SLC9A9: variants seen among roughly 807,000 people sequenced by gnomAD.
The protein encoded by SLC9A9 is sodium/hydrogen exchanger 9.
A neutral mutation model predicts 77.8 loss-of-function variants in SLC9A9; 62 were observed. That is an observed-to-expected ratio of 0.80 (90% CI 0.65 to 0.98). SLC9A9 has a LOEUF of 0.98. Among genes scored for constraint, SLC9A9 ranks in the 50% least tolerant of loss-of-function variants. SLC9A9 has a pLI of 0.00. For synonymous variants in SLC9A9, 320 were observed against 283.5 expected (o/e 1.13, Z -1.29); for missense variants, 775 against 774.9 (o/e 1.00, Z 0.00).
At position 143,664,396 on chromosome 3, in the gene SLC9A9, C is replaced by T. The variant is rs1017119088; in HGVS notation, c.650-12036G>A. On this transcript the variant is annotated intron_variant, in intron 5 of 15. Coordinates refer to ENST00000316549, the MANE Select transcript of SLC9A9 (RefSeq NM_173653.4). ...AAACATGCCAAATTGTAAAGACCAT[C>T]GATGCTAGGAAGAAACTGCATCAAC... 8.5e-5 allele frequency among the ~76,000 whole-genome samples: 13 copies of T among 152,250 alleles called. No homozygotes were observed. In the South Asian group the frequency reaches 1.0e-3, roughly 12 times the overall value.
intron 5 of SLC9A9, among the ~76,000 whole-genome samples, chr3:143,673,514 C>G (rs1307528817): frequency 8.9e-6 from 1 of 112,198 alleles, no homozygotes; most frequent in Non-Finnish European, 1.7e-5. Context: ...AATACCAATC[C>G]AAATACAAAT....
At position 143,369,995 on chromosome 3, in the gene SLC9A9, C is replaced by T. The variant is rs375945709; in HGVS notation, c.1525-6432G>A. On this transcript the variant is annotated intron_variant, in intron 13 of 15. Coordinates refer to ENST00000316549, the MANE Select transcript of SLC9A9 (RefSeq NM_173653.4). ...GCGAATCCTCTAGGCCCAGTCCAGCCTTCAGATGATTCTAACTTTAGCTGA... is the reference window on the plus strand; with the variant it reads ...GCGAATCCTCTAGGCCCAGTCCAGCTTTCAGATGATTCTAACTTTAGCTGA... Among the ~76,000 whole-genome samples, 8 of 152,324 alleles carry T rather than the reference C, an allele frequency of 5.3e-5. No individual in the cohort carries two copies. The South Asian group carries it at 1.0e-3, about 20-fold the overall frequency.
intron 5 of SLC9A9, among the ~76,000 whole-genome samples, chr3:143,682,793 A>G (rs1933143538): frequency 6.6e-6 from 1 of 152,136 alleles, no homozygotes; most frequent in Non-Finnish European, 1.5e-5. Flanking sequence ...CAGCAACATT[A>G]TATCTTTCTG....
chr3:143,467,322 A>C, intron 11 of SLC9A9, 132 bp from the exon 12 acceptor site: 1 of 1,057,336 alleles, frequency 9.5e-7, no homozygotes, highest in Non-Finnish European at 1.4e-6. Context: ...TTATAGATTC[A>C]TAAAGAGTTG....
intron 13 of SLC9A9, among the ~76,000 whole-genome samples, chr3:143,375,379 G>GT (rs1284860129): frequency 4.6e-5 from 7 of 152,274 alleles, no homozygotes; most frequent in South Asian, 2.1e-4. Flanking sequence ...TCATACACCT[G>GT]TTTTTTAGGA....
chr3:143,411,328 T>TA (rs1349259624), intron 12 of SLC9A9, among the ~76,000 whole-genome samples: 1 of 152,228 alleles, frequency 6.6e-6, no homozygotes, highest in Non-Finnish European at 1.5e-5. Flanking sequence ...AATATTTCTT[T>TA]AGCTTGGGTC....
intron 2 of SLC9A9, among the ~76,000 whole-genome samples, chr3:143,803,970 C>A (rs1039506655): frequency 5.3e-5 from 8 of 152,128 alleles, no homozygotes; most frequent in Non-Finnish European, 1.2e-4. Context: ...TCCACACTTA[C>A]TTAAAAAACC....
intron 9 of SLC9A9, among the ~76,000 whole-genome samples, chr3:143,500,761 A>G (rs948862633): frequency 2.1e-4 from 30 of 142,776 alleles, no homozygotes; most frequent in Non-Finnish European, 3.1e-4. Flanking sequence ...TAGTATATAT[A>G]AGATACCATA....
At chr3:143,345,084 T>C (rs1026812452) in intron 14 of SLC9A9, among the ~76,000 whole-genome samples, 1 of 152,230 alleles carries the variant, frequency 6.6e-6, no homozygotes, top group Non-Finnish European at 1.5e-5. Flanking sequence ...GTTTGGAAGA[T>C]AACTCCTGAG....
At chr3:143,591,346 T>C (rs2037640930) in intron 6 of SLC9A9, among the ~76,000 whole-genome samples, 1 of 152,262 alleles carries the variant, frequency 6.6e-6, no homozygotes, top group South Asian at 2.1e-4. Flanking sequence ...ACAAAGGTAG[T>C]TGCCTCATTC....
chr3:143,754,166 G>C (rs998780034), intron 4 of SLC9A9, among the ~76,000 whole-genome samples: 8 of 152,180 alleles, frequency 5.3e-5, no homozygotes, highest in African/African-American at 1.7e-4. Flanking sequence ...TCCACAGCAG[G>C]GGAGAAGTGA....
chr3:143,839,889 A>G (rs982092685), intron 1 of SLC9A9, among the ~76,000 whole-genome samples: 4 of 152,222 alleles, frequency 2.6e-5, no homozygotes, highest in Non-Finnish European at 2.9e-5. Context: ...TGGAGACATT[A>G]CAAAGTGTTA....
At chr3:143,783,735 G>C (rs2007957409) in intron 4 of SLC9A9, among the ~76,000 whole-genome samples, 1 of 152,180 alleles carries the variant, frequency 6.6e-6, no homozygotes, top group Non-Finnish European at 1.5e-5. Flanking sequence ...GAAAGGAAAA[G>C]AGAATAGAGA....
intron 6 of SLC9A9, among the ~76,000 whole-genome samples, chr3:143,586,053 A>T (rs2037535492): frequency 6.6e-6 from 1 of 152,204 alleles, no homozygotes; most frequent in Non-Finnish European, 1.5e-5. Context: ...ATGGGAAGGG[A>T]TAACAGTATA....
chr3:143,495,629 C>T (rs2035822124), intron 9 of SLC9A9, among the ~76,000 whole-genome samples, 181 bp from the exon 10 acceptor site: 1 of 152,180 alleles, frequency 6.6e-6, no homozygotes, highest in South Asian at 2.1e-4. Flanking sequence ...GGGACAGATG[C>T]CACAGCCACA....
At chr3:143,408,258 T>G (rs2034022304) in intron 12 of SLC9A9, among the ~76,000 whole-genome samples, 1 of 152,232 alleles carries the variant, frequency 6.6e-6, no homozygotes, top group Non-Finnish European at 1.5e-5. Flanking sequence ...TCTGAGATTC[T>G]TTCTGCATTT....
At position 143,575,724 on chromosome 3, in the gene SLC9A9, C is replaced by G. The variant is rs572487434; in HGVS notation, c.895-1531G>C. Among the ~76,000 whole-genome samples, 19 of 152,256 alleles carry G rather than the reference C, an allele frequency of 1.2e-4. No homozygotes were observed. In the East Asian group the frequency reaches 3.5e-3, roughly 28 times the overall value. ...GAGAATGTTCAGGGCAGGTGAGTAA[C>G]AAAACAGCAATCAGCTATCTAACAT... On this transcript the variant is annotated intron_variant, in intron 7 of 15. Transcript: ENST00000316549.
intron 12 of SLC9A9, among the ~76,000 whole-genome samples, chr3:143,444,067 G>A (rs1278911218): frequency 1.3e-5 from 2 of 152,132 alleles, no homozygotes; most frequent in African/African-American, 4.8e-5. Flanking sequence ...TTAAACACAA[G>A]CAAGGTCAAA....
chr3:143,787,261 G>C (rs1476775173), intron 4 of SLC9A9, among the ~76,000 whole-genome samples: 2 of 152,076 alleles, frequency 1.3e-5, no homozygotes, highest in Non-Finnish European at 2.9e-5. Flanking sequence ...ACATGCAAGA[G>C]AATATATAGA....
Sources: allele counts gnomAD v4.1 joint callset (sites outside exome capture counted in the v4.1 genomes callset), GRCh38; gene constraint gnomAD v4.1.1; transcripts MANE v1.5; gene names NCBI Gene and HGNC (gene_info 2026-07-23, HGNC 2026-07-21).